Variants in CPA5 observed in about 807,000 individuals in gnomAD.
CPA5 encodes the protein testicular tissue protein Li 32.
A neutral mutation model predicts 52.2 loss-of-function variants in CPA5; 38 were observed. The ratio of observed to expected loss-of-function variants is 0.73; its 90% CI spans 0.56 to 0.95. The LOEUF (loss-of-function observed/expected upper bound fraction) is 0.95, where lower values mean the gene tolerates loss of function less well. CPA5 is among the 40% of genes least tolerant of loss of function. The pLI is 0.00. For missense variants in CPA5, 519 were observed against 566.7 expected (o/e 0.92, Z 0.86); for synonymous variants, 198 against 213.7 (o/e 0.93, Z 0.64).
chr7:130,374,178 T>G, the CPA5 span, among the ~76,000 whole-genome samples: 1 of 152,108 alleles, frequency 6.6e-6, no homozygotes, highest in Non-Finnish European at 1.5e-5. Context: ...ACCCCTTCTG[T>G]AGCAGACTTC....
rs1796176703 is a variant in CPA5 at position 130,367,706 on chromosome 7, T to G, written c.1038+135T>G. The G allele has an allele frequency of 4.2e-6, 4 of 950,520 alleles. No individual in the cohort carries two copies. In the South Asian group the frequency reaches 5.9e-5, roughly 14 times the overall value. 58.9% of individuals were successfully genotyped at this position (950,520 alleles called of 1,614,324 possible). On this transcript the variant is annotated intron_variant, in intron 11 of 12. Coordinates refer to ENST00000474905, the MANE Select transcript of CPA5 (RefSeq NM_080385.5). ...GCTGATTGACCCCATGGTGCGGGGG[T>G]GGGGTAGGGGGAGCTTGCTGTTCTC...
At chr7:130,347,091 G>C (rs1554402434) in intron 3 of CPA5, among the ~76,000 whole-genome samples, 1 of 152,164 alleles carries the variant, frequency 6.6e-6, no homozygotes, top group African/African-American at 2.4e-5. Context: ...GCCCCACAGT[G>C]CTCCACAGTA....
chr7:130,347,228 A>G (rs1171380159), intron 3 of CPA5, among the ~76,000 whole-genome samples: 1 of 152,166 alleles, frequency 6.6e-6, no homozygotes, highest in Non-Finnish European at 1.5e-5. Flanking sequence ...CCTCTTGGAT[A>G]CGCAACCTCC....
At chr7:130,367,616 AG>A in intron 11 of CPA5, 45 bp downstream of exon 11, 1 of 1,543,078 alleles carries the variant, frequency 6.5e-7, no homozygotes, top group Non-Finnish European at 9.0e-7. Flanking sequence ...ACCGCTTCAC[AG>A]GAAAATCCAT....
chr7:130,362,770 T>A (rs1795863670), intron 8 of CPA5, 114 bp from the exon 9 acceptor site: 2 of 683,656 alleles, frequency 2.9e-6, no homozygotes, highest in Admixed American at 5.0e-5. Context: ...ATAAAAGATA[T>A]ACCTCAGGGG....
intron 5 of CPA5, among the ~76,000 whole-genome samples, chr7:130,358,624 C>T (rs1554405791): frequency 1.3e-5 from 2 of 152,178 alleles, no homozygotes; most frequent in Non-Finnish European, 2.9e-5. Flanking sequence ...AATGAGGATG[C>T]TTTCTCAGCA....
At chr7:130,354,245 T>G (rs1186766123) in intron 5 of CPA5, among the ~76,000 whole-genome samples, 1 of 152,150 alleles carries the variant, frequency 6.6e-6, no homozygotes, top group African/African-American at 2.4e-5. Context: ...TTATTTTAAA[T>G]TGTACCCTTC....
At chr7:130,349,765 A>T in intron 4 of CPA5, among the ~76,000 whole-genome samples, 1 of 149,648 alleles carries the variant, frequency 6.7e-6, no homozygotes, top group South Asian at 2.1e-4. Flanking sequence ...ATCTGTTTGT[A>T]TAGGAAAGAG....
intron 7 of CPA5, 60 bp downstream of exon 7, chr7:130,361,304 A>ATC (rs1381489454): frequency 8.4e-7 from 1 of 1,191,100 alleles, no homozygotes; most frequent in East Asian, 2.3e-5. Context: ...CATAAGATTG[A>ATC]TCTCATATGG....
chr7:130,352,286 G>T (rs1187388976), intron 5 of CPA5, among the ~76,000 whole-genome samples: 7 of 152,100 alleles, frequency 4.6e-5, no homozygotes, highest in Admixed American at 6.5e-5. Flanking sequence ...GCTGTGCATC[G>T]GGCAAGGGGC....
intron 10 of CPA5, among the ~76,000 whole-genome samples, chr7:130,364,167 A>G (rs1185929287): frequency 2.0e-5 from 3 of 151,896 alleles, no homozygotes; most frequent in African/African-American, 7.3e-5. Flanking sequence ...AGCCGGGACC[A>G]TAGGTGCACA....
downstream of CPA5, among the ~76,000 whole-genome samples, chr7:130,372,688 C>A (rs1796306259): frequency 6.6e-6 from 1 of 152,204 alleles, no homozygotes; most frequent in African/African-American, 2.4e-5. Context: ...CCATGCCTAG[C>A]TGTAAGGTAA....
chr7:130,364,983 G>A (rs538083395), intron 10 of CPA5, among the ~76,000 whole-genome samples: 3 of 152,340 alleles, frequency 2.0e-5, no homozygotes, highest in South Asian at 2.1e-4. Context: ...TTCACCGGGG[G>A]CTCAGGGTTT....
intron 5 of CPA5, among the ~76,000 whole-genome samples, chr7:130,355,342 CA>C (rs1484651747): frequency 6.6e-6 from 1 of 152,114 alleles, no homozygotes; most frequent in Admixed American, 6.5e-5. Context: ...ACATGCCTGG[CA>C]AAAGTCTAAG....
intron 4 of CPA5, among the ~76,000 whole-genome samples, chr7:130,348,244 C>G (rs553903243): frequency 6.6e-6 from 1 of 152,182 alleles, no homozygotes; most frequent in African/African-American, 2.4e-5. Context: ...CTTGGCAAAC[C>G]TGTATTTTAT....
chr7:130,365,288 A>T (rs1796017536), intron 10 of CPA5, among the ~76,000 whole-genome samples: 1 of 152,244 alleles, frequency 6.6e-6, no homozygotes, highest in Non-Finnish European at 1.5e-5. Flanking sequence ...GTGGCCCCTC[A>T]GCACTGACTG....
At chr7:130,367,882 C>T (rs1428493007) in intron 11 of CPA5, 24 bp from the exon 12 acceptor site, 6 of 1,610,194 alleles carry the variant, frequency 3.7e-6, no homozygotes, top group Non-Finnish European at 5.1e-6. Flanking sequence ...CCCTGCCTTT[C>T]ACCCCGCCAA....
chr7:130,359,556 C>G, intron 5 of CPA5, 33 bp from the exon 6 acceptor site: 2 of 1,518,218 alleles, frequency 1.3e-6, no homozygotes, highest in Non-Finnish European at 1.8e-6. Context: ...CAGCTCTCCC[C>G]TTCCTTTCCA....
chr7:130,346,409 T>G lies in CPA5; in HGVS notation c.-77T>G. 1 of 1,081,956 alleles carries G rather than the reference T, an allele frequency of 9.2e-7. No homozygotes were observed. Among genetic ancestry groups the G allele is most frequent in the Non-Finnish European group, 1.4e-6 (1 of 738,778 alleles). 67.0% of individuals were successfully genotyped at this position (1,081,956 alleles called of 1,614,324 possible). A position where few individuals can be genotyped will look rare whatever the true frequency, so the allele number is the denominator to read the frequency against. ...CTTTCTCAGGCTGGGCTTTCCAGCC[T>G]CTAGGTGCTGTGCTGTCCTGAGGCC... On this transcript the variant is annotated 5_prime_UTR_variant, in exon 3 of 13. Transcript: ENST00000474905.
Sources: allele counts gnomAD v4.1 joint callset (sites outside exome capture counted in the v4.1 genomes callset), GRCh38; gene constraint gnomAD v4.1.1; transcripts MANE v1.5; gene names NCBI Gene and HGNC (gene_info 2026-07-23, HGNC 2026-07-21).